TRIP4: variants seen among roughly 807,000 people sequenced by gnomAD.
The protein encoded by TRIP4 is activating signal cointegrator 1.
Under a neutral mutation model 81.8 loss-of-function variants are expected in TRIP4, and 54 were observed. The observed-to-expected ratio is 0.66, with a 90% confidence interval of 0.53 to 0.83. The LOEUF is 0.83. TRIP4 is among the 40% of genes least tolerant of loss of function. TRIP4 has a pLI of 0.00. For missense variants in TRIP4, 662 were observed against 683.6 expected, an observed-to-expected ratio of 0.97 and a Z score of 0.35; for synonymous variants, 270 against 242.8, an observed-to-expected ratio of 1.11 and a Z score of -1.04.
intron 7 of TRIP4, among the ~76,000 whole-genome samples, chr15:64,412,829 C>G (rs148027707): frequency 1.1e-4 from 16 of 152,208 alleles, no homozygotes; most frequent in African/African-American, 3.9e-4. Context: ...TCCTTCAGGG[C>G]TTATGATCTC....
At chr15:64,441,231 C>G (rs1007755627) in intron 11 of TRIP4, among the ~76,000 whole-genome samples, 29 of 151,760 alleles carry the variant, frequency 1.9e-4, no homozygotes, top group Admixed American at 8.5e-4. Flanking sequence ...CTCCTGACCT[C>G]GTGGTCCGCC....
Position 64,393,979 on chromosome 15 carries a change from A to G in TRIP4, c.135A>G (p.Ile45Met). 6.2e-7 allele frequency: 1 copy of G among 1,607,260 alleles called. No homozygotes were observed. Among genetic ancestry groups the G allele is most frequent in the Non-Finnish European group, 8.5e-7 (1 of 1,177,284 alleles). The change falls in exon 2 of 13, where the codon ATA (isoleucine) becomes ATG (methionine). Residue 45 changes from isoleucine to methionine, a missense_variant. Coordinates refer to ENST00000261884, the MANE Select transcript of TRIP4 (RefSeq NM_016213.5). Reference protein sequence around the residue: ...YVLSIESAEEIREYVTDLLQG... With the variant: ...YVLSIESAEEMREYVTDLLQG... ...TGTCAATTGAGAGTGCTGAAGAGAT[A>G]CGAGAATATGTTACTGATCTCCTCC... is the stretch of plus-strand genomic sequence containing the variant.
chr15:64,433,456 T>C (rs969632687), intron 11 of TRIP4, among the ~76,000 whole-genome samples: 1 of 151,808 alleles, frequency 6.6e-6, no homozygotes, highest in Admixed American at 6.6e-5. Context: ...CAAAAAAAAT[T>C]AGCCAGGCGT....
intron 3 of TRIP4, 128 bp from the exon 4 acceptor site, chr15:64,397,478 T>C: frequency 5.7e-6 from 5 of 875,488 alleles, no homozygotes; most frequent in Non-Finnish European, 8.6e-6. Flanking sequence ...TTTCTTCCTT[T>C]CACTGCCTTC....
intron 10 of TRIP4, 187 bp downstream of exon 10, chr15:64,424,342 C>A: frequency 1.4e-6 from 1 of 693,028 alleles, no homozygotes; most frequent in Non-Finnish European, 2.2e-6. Context: ...CAAAACAGTG[C>A]AAATAAAAAT....
chr15:64,392,769 C>T (rs563903687), intron 1 of TRIP4, among the ~76,000 whole-genome samples: 10 of 152,194 alleles, frequency 6.6e-5, no homozygotes, highest in African/African-American at 2.4e-4. Context: ...AACATGCCTC[C>T]ATGCCTGGCT....
In TRIP4 at chr15:64,418,646, G is replaced by A. The variant is rs749236625; in HGVS notation, c.1276G>A (p.Glu426Lys). The A allele has an allele frequency of 1.2e-6, 2 of 1,614,054 alleles. No individual in the cohort carries two copies. Among genetic ancestry groups the A allele is most frequent in the Non-Finnish European group, 1.7e-6 (2 of 1,180,026 alleles). Residue 426 changes from glutamate to lysine, a missense_variant, in exon 9 of 13, where the codon GAA (glutamate) becomes AAA (lysine). Glu to Lys is a moderately conservative substitution (Grantham distance 56). Transcript: ENST00000261884. ...FQHQLRIQDQEFQEGFDGGWC... is the reference protein window; with the variant it reads ...FQHQLRIQDQKFQEGFDGGWC... ...GCACCAGTTGCGAATCCAGGATCAA[G>A]AATTTCAGGAAGGCTTTGATGGTGG...
intron 3 of TRIP4, among the ~76,000 whole-genome samples, chr15:64,395,778 G>T: frequency 7.1e-6 from 1 of 140,338 alleles, no homozygotes; most frequent in Non-Finnish European, 1.5e-5. Context: ...GTCTTGCTCT[G>T]TTTCCAGTCT....
At chr15:64,431,847 A>ATTTTTTTTTTTTTTTTTT (rs1555411171) in intron 11 of TRIP4, among the ~76,000 whole-genome samples, 15 of 119,542 alleles carry the variant, frequency 1.3e-4, no homozygotes, top group African/African-American at 4.9e-4. Flanking sequence ...ATATATATAT[A>ATTTTTTTTTTTTTTTTTT]TTTTTTTTAT....
rs1222393866 is a variant in TRIP4, at chr15:64,418,599, G to T, written c.1229G>T (p.Gly410Val). ...QKKAFRSSGFGLEFNSFQHQL... is the reference protein window; with the variant it reads ...QKKAFRSSGFVLEFNSFQHQL... ...AAGGCTTTCCGTTCTTCAGGATTTGGACTAGAGTTCAACTCATTTCAGCAC... is the reference window on the plus strand; with the variant it reads ...AAGGCTTTCCGTTCTTCAGGATTTGTACTAGAGTTCAACTCATTTCAGCAC... Residue 410 changes from glycine (G) to valine (V), a missense_variant, in exon 9 of 13, where the codon GGA becomes GTA. By Grantham distance (109) the Gly-to-Val change is moderately radical (BLOSUM62 -3). Transcript: ENST00000261884. 6.2e-7 allele frequency: 1 copy of T among 1,613,478 alleles called. No individual in the cohort carries two copies.
At chr15:64,408,401 G>C (rs906903946) in intron 6 of TRIP4, among the ~76,000 whole-genome samples, 4 of 151,316 alleles carry the variant, frequency 2.6e-5, no homozygotes, top group African/African-American at 4.8e-5. Flanking sequence ...TGGGACTACA[G>C]GCGCCCGCCA....
At chr15:64,388,238 C>T (rs868296086) in intron 1 of TRIP4, among the ~76,000 whole-genome samples, 2 of 152,152 alleles carry the variant, frequency 1.3e-5, no homozygotes, top group Non-Finnish European at 1.5e-5. Context: ...GAGCCAGTTT[C>T]CTTTCTAGAG....
At chr15:64,417,650 A>G (rs1891917387) in intron 8 of TRIP4, among the ~76,000 whole-genome samples, 1 of 152,094 alleles carries the variant, frequency 6.6e-6, no homozygotes, top group South Asian at 2.1e-4. Flanking sequence ...TTCTTTTTAT[A>G]TGATGGGAGC....
intron 9 of TRIP4, among the ~76,000 whole-genome samples, chr15:64,419,068 T>C (rs1186236406): frequency 6.6e-6 from 1 of 152,220 alleles, no homozygotes; most frequent in Non-Finnish European, 1.5e-5. Context: ...TTGGCTTTGC[T>C]TTGGAATATA....
At chr15:64,450,943 C>A in intron 12 of TRIP4, 1 of 224,720 alleles carries the variant, frequency 4.4e-6, no homozygotes. Flanking sequence ...AATGATATGT[C>A]TTTTTTTCTT....
chr15:64,400,049 T>G (rs1297265134), intron 4 of TRIP4, among the ~76,000 whole-genome samples: 3 of 150,902 alleles, frequency 2.0e-5, no homozygotes, highest in Admixed American at 1.3e-4. Flanking sequence ...TTGAGAATAC[T>G]AGATAAAACA....
At position 64,387,843 on chromosome 15, in the gene TRIP4, A is replaced by G; in HGVS notation, c.-21A>G. The G allele has an allele frequency of 2.6e-6, 4 of 1,540,398 alleles. No homozygotes were observed. The highest frequency in any genetic ancestry group is 3.5e-6 in the Non-Finnish European group (4 of 1,146,056). ...GCAGGACGTGGGGCTTTTGCAGCTC[A>G]GCTGGTTCCGGCTGGGGAAGATGGC... is the stretch of plus-strand genomic sequence containing the variant. On this transcript the variant is annotated 5_prime_UTR_variant, in exon 1 of 13. Coordinates refer to ENST00000261884, the MANE Select transcript of TRIP4 (RefSeq NM_016213.5).
intron 11 of TRIP4, among the ~76,000 whole-genome samples, chr15:64,444,306 G>C (rs1838188809): frequency 6.6e-6 from 1 of 152,158 alleles, no homozygotes; most frequent in South Asian, 2.1e-4. Flanking sequence ...CTTAAATTGT[G>C]ATTGTGTAGC....
intron 11 of TRIP4, 119 bp downstream of exon 11, chr15:64,425,750 C>G (rs1334556764): frequency 1.5e-6 from 1 of 679,318 alleles, no homozygotes; most frequent in Non-Finnish European, 2.4e-6. Context: ...AGGCATGAGC[C>G]ACCACACCCA....
Sources: allele counts gnomAD v4.1 joint callset (sites outside exome capture counted in the v4.1 genomes callset), GRCh38; gene constraint gnomAD v4.1.1; transcripts MANE v1.5; gene names NCBI Gene and HGNC (gene_info 2026-07-23, HGNC 2026-07-21).